RTN1: variants seen among roughly 807,000 people sequenced by gnomAD.
RTN1 encodes reticulon 1.
RTN1 carries 25 observed loss-of-function variants against 65.5 expected under a neutral mutation model. The observed-to-expected ratio is 0.38, with a 90% CI of 0.28 to 0.53. The LOEUF is 0.53. Among genes scored for constraint, RTN1 ranks in the 20% least tolerant of loss-of-function variants. The pLI is 0.79. For missense variants in RTN1, 983 were observed against 1,025.4 expected (o/e 0.96, Z 0.57); for synonymous variants, 471 against 447.6 (o/e 1.05, Z -0.66).
At chr14:59,806,541 T>C (rs1886641961) in intron 1 of RTN1, among the ~76,000 whole-genome samples, 1 of 152,140 alleles carries the variant, frequency 6.6e-6, no homozygotes, top group Non-Finnish European at 1.5e-5. Flanking sequence ...TGGGGGTTTA[T>C]AGTAAAGATT....
intron 1 of RTN1, among the ~76,000 whole-genome samples, chr14:59,750,034 C>CATATATATTATATATTATATTATATTAT: frequency 1.6e-5 from 1 of 63,764 alleles, no homozygotes; most frequent in African/African-American, 7.1e-5. Flanking sequence ...ATATTATATA[C>CATATATATTATATATTATATTATATTAT]ATATATTATA....
chr14:59,842,145 G>C (rs200672623), intron 1 of RTN1, among the ~76,000 whole-genome samples: 18 of 124,314 alleles, frequency 1.4e-4, no homozygotes, highest in Non-Finnish European at 3.2e-4. Flanking sequence ...TTTTAAAAAA[G>C]AAAAAAAAAA....
At chr14:59,823,138 T>C (rs1299876480) in intron 1 of RTN1, among the ~76,000 whole-genome samples, 1 of 152,196 alleles carries the variant, frequency 6.6e-6, no homozygotes, top group East Asian at 1.9e-4. Flanking sequence ...TGTAGTTATC[T>C]AATTCTCTGC....
intron 2 of RTN1, among the ~76,000 whole-genome samples, chr14:59,731,029 T>C (rs941079622): frequency 6.6e-6 from 1 of 152,128 alleles, no homozygotes. Flanking sequence ...TGAAAGTATA[T>C]GTCCACACAA....
chr14:59,618,022 G>A (rs546635557), intron 3 of RTN1, among the ~76,000 whole-genome samples: 10 of 152,218 alleles, frequency 6.6e-5, no homozygotes, highest in East Asian at 3.9e-4. Flanking sequence ...AATTATGACC[G>A]AGACAGCGAA....
At chr14:59,814,125 A>G (rs1594753197) in intron 1 of RTN1, among the ~76,000 whole-genome samples, 1 of 152,284 alleles carries the variant, frequency 6.6e-6, no homozygotes, top group East Asian at 1.9e-4. Context: ...TGCACACAAA[A>G]TGGTTGCTGT....
chr14:59,804,215 T>A (rs990611601), intron 1 of RTN1, among the ~76,000 whole-genome samples: 43 of 152,194 alleles, frequency 2.8e-4, no homozygotes, highest in African/African-American at 1.0e-3. Flanking sequence ...TTAACAGTTT[T>A]GAGAAGTACT....
chr14:59,675,446 G>C (rs376304120), intron 3 of RTN1, among the ~76,000 whole-genome samples: 2 of 35,610 alleles, frequency 5.6e-5, no homozygotes, highest in South Asian at 2.5e-3. Flanking sequence ...ATAGGACTTG[G>C]GGGGGGGGCG....
intron 3 of RTN1, among the ~76,000 whole-genome samples, chr14:59,706,584 T>A (rs1176422856): frequency 6.6e-6 from 1 of 152,226 alleles, no homozygotes; most frequent in Non-Finnish European, 1.5e-5. Context: ...GATTCCTGAA[T>A]GAATGTATGG....
At chr14:59,779,453 C>T (rs368214461) in intron 1 of RTN1, among the ~76,000 whole-genome samples, 1 of 152,004 alleles carries the variant, frequency 6.6e-6, no homozygotes, top group South Asian at 2.1e-4. Context: ...ACCATGACCA[C>T]ACACAGGTAA....
At chr14:59,731,439 T>C (rs1355900722) in intron 2 of RTN1, among the ~76,000 whole-genome samples, 2 of 152,178 alleles carry the variant, frequency 1.3e-5, no homozygotes, top group African/African-American at 2.4e-5. Flanking sequence ...ACTCTGTGAA[T>C]ATACTAAAAA....
At chr14:59,636,060 AAAAATCTAGCCAGAGGATGCCTAC>A (rs2140188403) in intron 3 of RTN1, among the ~76,000 whole-genome samples, 1 of 152,354 alleles carries the variant, frequency 6.6e-6, no homozygotes, top group African/African-American at 2.4e-5. Context: ...ATTGGATGAA[AAAAATCTAGCCAGAGGATGCCTAC>A]AAAAGAAAAT....
At chr14:59,696,789 G>A (rs1221117707) in intron 3 of RTN1, among the ~76,000 whole-genome samples, 4 of 152,102 alleles carry the variant, frequency 2.6e-5, no homozygotes, top group Admixed American at 2.0e-4. Context: ...GCAGATTCAG[G>A]TAAATAGGAT....
rs8009556 is a variant in RTN1, at chr14:59,607,546, G to C, written c.1766-54C>G. ...GAGCTCCCGCAGTGCCGCCACATGA[G>C]CCGCTGTGGCTCACTCCACCAAGCT... is the stretch of plus-strand genomic sequence containing the variant. On this transcript the variant is annotated intron_variant, in intron 3 of 8. Coordinates refer to ENST00000267484, the MANE Select transcript of RTN1 (RefSeq NM_021136.3). 3 of 1,464,956 alleles carry C rather than the reference G, an allele frequency of 2.0e-6. No individual in the cohort carries two copies. In the East Asian group the frequency reaches 7.4e-5, roughly 36 times the overall value. 90.7% of individuals were successfully genotyped at this position (1,464,956 alleles called of 1,614,324 possible). A position where few individuals can be genotyped will look rare whatever the true frequency, so the allele number is the denominator to read the frequency against.
chr14:59,860,268 G>A (rs1297214901), intron 1 of RTN1, among the ~76,000 whole-genome samples: 2 of 152,304 alleles, frequency 1.3e-5, no homozygotes, highest in Admixed American at 6.5e-5. Context: ...TGGCTGAAAG[G>A]GGACAAGCTG....
chr14:59,844,669 C>T (rs1370129492), intron 1 of RTN1, among the ~76,000 whole-genome samples: 2 of 152,010 alleles, frequency 1.3e-5, no homozygotes, highest in East Asian at 3.9e-4. Context: ...TGCACAACAG[C>T]AAGTGTGTTG....
chr14:59,817,743 T>C (rs1886848911), intron 1 of RTN1, among the ~76,000 whole-genome samples: 1 of 152,158 alleles, frequency 6.6e-6, no homozygotes, highest in Non-Finnish European at 1.5e-5. Flanking sequence ...ATGCATAATG[T>C]CGAAGTGCAC....
At chr14:59,776,214 G>C (rs1886047585) in intron 1 of RTN1, among the ~76,000 whole-genome samples, 1 of 152,124 alleles carries the variant, frequency 6.6e-6, no homozygotes, top group Non-Finnish European at 1.5e-5. Context: ...TCATGTGTTG[G>C]AAACTGAAGT....
intron 3 of RTN1, among the ~76,000 whole-genome samples, chr14:59,608,677 C>A (rs1404367669): frequency 2.6e-5 from 4 of 152,118 alleles, no homozygotes; most frequent in African/African-American, 9.7e-5. Flanking sequence ...AGAATTCACT[C>A]CCCACAAACT....
Sources: allele counts gnomAD v4.1 joint callset (sites outside exome capture counted in the v4.1 genomes callset), GRCh38; gene constraint gnomAD v4.1.1; transcripts MANE v1.5; gene names NCBI Gene and HGNC (gene_info 2026-07-23, HGNC 2026-07-21).